BPNT2: variants seen among roughly 807,000 people sequenced by gnomAD.
The protein encoded by BPNT2 is 3'(2'), 5'-bisphosphate nucleotidase 2, also known as Golgi-resident adenosine 3',5'-bisphosphate 3'-phosphatase.
A neutral mutation model predicts 29.3 loss-of-function variants in BPNT2; 11 were observed. The ratio of observed to expected loss-of-function variants is 0.38; its 90% confidence interval spans 0.24 to 0.62. BPNT2 has a LOEUF of 0.62. Ranked by LOEUF, BPNT2 falls within the 20% of genes least tolerant of loss-of-function variation. The pLI is 0.62. For missense variants in BPNT2, 459 were observed against 473.4 expected, an observed-to-expected ratio of 0.97 and a Z score of 0.28; for synonymous variants, 195 against 187.7, an observed-to-expected ratio of 1.04 and a Z score of -0.32.
intron 3 of BPNT2, among the ~76,000 whole-genome samples, chr8:56,976,621 C>T (rs886132354): frequency 1.3e-5 from 2 of 152,158 alleles, no homozygotes; most frequent in Non-Finnish European, 2.9e-5. Flanking sequence ...ACAGAGCCAA[C>T]ACTCAAATAG....
At position 56,991,148 on chromosome 8, in the gene BPNT2, A is replaced by C. The variant is rs573400491; in HGVS notation, c.387+2051T>G. On this transcript the variant is annotated intron_variant, in intron 1 of 4. Coordinates refer to ENST00000262644, the MANE Select transcript of BPNT2 (RefSeq NM_017813.5). ...GGCTACAATATTTGGCCTCTAGCCT[A>C]TAACACAGGGGTATAAGGAGATCGC... Among the ~76,000 whole-genome samples the C allele has an allele frequency of 2.6e-5, 4 of 152,352 alleles. No individual in the cohort carries two copies. In the South Asian group the frequency reaches 8.3e-4, roughly 32 times the overall value.
At chr8:56,977,495 C>T (rs1212468552) in intron 3 of BPNT2, among the ~76,000 whole-genome samples, 2 of 152,168 alleles carry the variant, frequency 1.3e-5, no homozygotes, top group Admixed American at 1.3e-4. Context: ...CCAGTATAAT[C>T]TCATCTCAAT....
rs1805828064 is a variant in BPNT2 at position 56,961,267 on chromosome 8, A to C, written c.*2526T>G. The stretch of plus-strand genomic sequence containing the variant: ...TTTGCTACTTTTTAGAAATAATTTT[A>C]ATGTAATTCTGGGAGATAACATTAC... On this transcript the variant is annotated 3_prime_UTR_variant, in exon 5 of 5. Coordinates refer to ENST00000262644, the MANE Select transcript of BPNT2 (RefSeq NM_017813.5). The C allele has an allele frequency of 6.6e-6, 1 of 152,216 alleles. No individual in the cohort carries two copies. The highest frequency in any genetic ancestry group is 2.4e-5 in the African/African-American group (1 of 41,460). The allele number at this position is 152,216 out of a possible 1,614,324, so 9.4% of individuals were successfully genotyped here. A position where few individuals can be genotyped will look rare whatever the true frequency, so the allele number is the denominator to read the frequency against.
chr8:56,993,646 C>A lies in BPNT2; in HGVS notation c.-61G>T. 1 of 1,212,458 alleles carries A rather than the reference C, an allele frequency of 8.2e-7. No individual in the cohort carries two copies. Among genetic ancestry groups the A allele is most frequent in the Non-Finnish European group, 1.0e-6 (1 of 976,632 alleles). The allele number at this position is 1,212,458 out of a possible 1,614,324, so 75.1% of individuals were successfully genotyped here. A position where few individuals can be genotyped will look rare whatever the true frequency, so the allele number is the denominator to read the frequency against. ...CACAGGCCTCCAGCGCCCGCCGCCG[C>A]CGCCGCCGCAGCCGCCGCGCTCCGG... On this transcript the variant is annotated 5_prime_UTR_variant, in exon 1 of 5. Coordinates refer to ENST00000262644, the MANE Select transcript of BPNT2 (RefSeq NM_017813.5).
At chr8:56,989,299 G>A (rs1414161793) in intron 1 of BPNT2, among the ~76,000 whole-genome samples, 1 of 151,666 alleles carries the variant, frequency 6.6e-6, no homozygotes, top group Non-Finnish European at 1.5e-5. Flanking sequence ...ATGAACCTGG[G>A]AGGCAGAGCT....
chr8:56,985,647 C>T (rs549033790), intron 1 of BPNT2, among the ~76,000 whole-genome samples: 4 of 152,220 alleles, frequency 2.6e-5, no homozygotes, highest in African/African-American at 9.7e-5. Context: ...TCTCCACCTA[C>T]ACCTGGCAAT....
intron 1 of BPNT2, among the ~76,000 whole-genome samples, chr8:56,983,732 TC>T (rs1382446386): frequency 6.6e-6 from 1 of 152,070 alleles, no homozygotes; most frequent in Non-Finnish European, 1.5e-5. Context: ...CCAATCAAAA[TC>T]CCCAGTGTTT....
chr8:56,993,797 C>T lies in BPNT2; in HGVS notation c.-212G>A. On this transcript the variant is annotated 5_prime_UTR_variant, in exon 1 of 5. Transcript: ENST00000262644. ...ACGCCGCCCCGCGCGCCTGACTCGC[C>T]AGGCAGCGCGCTCTAGGTTCTTCCG... 1 of 550,486 alleles carries T rather than the reference C, an allele frequency of 1.8e-6. No individual in the cohort carries two copies. The highest frequency in any genetic ancestry group is 2.3e-6 in the Non-Finnish European group (1 of 430,158). 34.1% of individuals were successfully genotyped at this position (550,486 alleles called of 1,614,324 possible).
At chr8:56,984,805 TATC>T (rs74525155) in intron 1 of BPNT2, among the ~76,000 whole-genome samples, 10,471 of 152,170 alleles carry the variant, frequency 0.069, 557 homozygotes, top group East Asian at 0.27. Flanking sequence ...CCAGACTCCT[TATC>T]ATAATCTACA....
At chr8:56,975,093 C>A (rs943318790) in intron 3 of BPNT2, among the ~76,000 whole-genome samples, 14 of 152,098 alleles carry the variant, frequency 9.2e-5, no homozygotes, top group African/African-American at 2.9e-4. Flanking sequence ...TTTTTTTCCT[C>A]ATACAAAGAA....
chr8:56,985,818 T>C (rs534466002), intron 1 of BPNT2, among the ~76,000 whole-genome samples: 106 of 152,316 alleles, frequency 7.0e-4, no homozygotes, highest in Non-Finnish European at 1.4e-3. Flanking sequence ...ATGTGCCTTG[T>C]AGTTAGAGGC....
At chr8:56,977,796 C>T (rs1276577431) in intron 3 of BPNT2, among the ~76,000 whole-genome samples, 1 of 152,092 alleles carries the variant, frequency 6.6e-6, no homozygotes, top group East Asian at 1.9e-4. Context: ...AGAATGCTGG[C>T]AAATTGCCAG....
At chr8:56,975,576 G>T (rs1448530027) in intron 3 of BPNT2, among the ~76,000 whole-genome samples, 1 of 152,026 alleles carries the variant, frequency 6.6e-6, no homozygotes, top group Non-Finnish European at 1.5e-5. Flanking sequence ...CAAAATAATT[G>T]TAAGATACTA....
intron 3 of BPNT2, among the ~76,000 whole-genome samples, chr8:56,972,819 G>GT (rs970232632): frequency 1.3e-5 from 2 of 150,850 alleles, no homozygotes; most frequent in African/African-American, 4.9e-5. Flanking sequence ...GCTTGAACAG[G>GT]TTTTCAATGC....
intron 3 of BPNT2, among the ~76,000 whole-genome samples, chr8:56,976,380 G>A (rs1563408337): frequency 6.6e-6 from 1 of 152,158 alleles, no homozygotes; most frequent in Non-Finnish European, 1.5e-5. Flanking sequence ...CATTACAGCA[G>A]TCTAAATTAA....
rs535820079 is a variant in BPNT2, at chr8:56,959,090, C to T, written c.*4703G>A. The T allele has an allele frequency of 3.9e-5, 6 of 152,132 alleles. No homozygotes were observed. In the South Asian group the frequency reaches 8.3e-4, roughly 21 times the overall value. The allele number at this position is 152,132 out of a possible 1,614,324, so 9.4% of individuals were successfully genotyped here. On this transcript the variant is annotated 3_prime_UTR_variant, in exon 5 of 5. Transcript: ENST00000262644. ...AGGGAACATATTACTAATCAAATAACACAGTTTATGCTTTTTCAATTTCCA... is the reference window on the plus strand; with the variant it reads ...AGGGAACATATTACTAATCAAATAATACAGTTTATGCTTTTTCAATTTCCA...
intron 1 of BPNT2, among the ~76,000 whole-genome samples, chr8:56,983,461 G>C (rs566054429): frequency 6.6e-6 from 1 of 152,252 alleles, no homozygotes; most frequent in Non-Finnish European, 1.5e-5. Flanking sequence ...GAGCCAAGGA[G>C]AAAGGCTAAG....
At position 56,966,220 on chromosome 8, in the gene BPNT2, T is replaced by C; in HGVS notation, c.779A>G (p.Gln260Arg). ...KQVALQTFGN[Q>R]TTIIPAGGAG... is the part of the protein sequence containing the mutation. ...ACCACCAGCTGGGATAATTGTAGTC[T>C]GGTTTCCAAAAGTCTGAAGAGCGAC... The change falls in exon 4 of 5, where the codon CAG (glutamine) becomes CGG (arginine). Residue 260 changes from glutamine to arginine, a missense_variant. Transcript: ENST00000262644. 5 of 1,614,198 alleles carry C rather than the reference T, an allele frequency of 3.1e-6. No homozygotes were observed. Among genetic ancestry groups the C allele is most frequent in the Non-Finnish European group, 4.2e-6 (5 of 1,180,036 alleles).
In BPNT2 at chr8:56,993,794, C is replaced by T; in HGVS notation, c.-209G>A. 2 of 540,436 alleles carry T rather than the reference C, an allele frequency of 3.7e-6. No homozygotes were observed. Among genetic ancestry groups the T allele is most frequent in the African/African-American group, 2.0e-5 (1 of 48,866 alleles). The allele number at this position is 540,436 out of a possible 1,614,324, so 33.5% of individuals were successfully genotyped here. On this transcript the variant is annotated 5_prime_UTR_variant, in exon 1 of 5. Transcript: ENST00000262644. Reference sequence around the variant, plus strand: ...CCAACGCCGCCCCGCGCGCCTGACTCGCCAGGCAGCGCGCTCTAGGTTCTT... The same window carrying T: ...CCAACGCCGCCCCGCGCGCCTGACTTGCCAGGCAGCGCGCTCTAGGTTCTT...
Sources: allele counts gnomAD v4.1 joint callset (sites outside exome capture counted in the v4.1 genomes callset), GRCh38; gene constraint gnomAD v4.1.1; transcripts MANE v1.5; gene names NCBI Gene and HGNC (gene_info 2026-07-23, HGNC 2026-07-21).